GLIS1: variants seen among roughly 807,000 people sequenced by gnomAD.
The protein encoded by GLIS1 is GLIS family zinc finger 1.
A neutral mutation model predicts 63.8 loss-of-function variants in GLIS1; 24 were observed. The ratio of observed to expected loss-of-function variants is 0.38; its 90% confidence interval spans 0.27 to 0.53. GLIS1 has a LOEUF of 0.53. Ranked by LOEUF, GLIS1 falls within the 20% of genes least tolerant of loss-of-function variation. The probability of loss-of-function intolerance (pLI) is 0.85; values close to 1 mark genes in which losing one functional copy is unlikely to be tolerated. For synonymous variants in GLIS1, 450 were observed against 482.5 expected, an observed-to-expected ratio of 0.93 and a Z score of 0.88; for missense variants, 1,036 against 1,074.1, an observed-to-expected ratio of 0.96 and a Z score of 0.50.
chr1:53,600,037 G>T (rs926323575), intron 3 of GLIS1, 64 bp downstream of exon 3: 2 of 930,938 alleles, frequency 2.1e-6, no homozygotes, highest in Non-Finnish European at 2.8e-6. Context: ...AGGAGGTGAG[G>T]CCTGAGGCCC....
At chr1:53,538,077 TG>T (rs1431083685) in intron 4 of GLIS1, among the ~76,000 whole-genome samples, 1 of 152,244 alleles carries the variant, frequency 6.6e-6, no homozygotes, top group Non-Finnish European at 1.5e-5. Context: ...GAGGGGCCGC[TG>T]GCTGGCCTGA....
intron 2 of GLIS1, among the ~76,000 whole-genome samples, chr1:53,692,104 T>C (rs1646412131): frequency 6.6e-6 from 1 of 152,188 alleles, no homozygotes; most frequent in South Asian, 2.1e-4. Context: ...CCTCCCTTTT[T>C]CCTAACACAA....
chr1:53,610,978 T>C (rs1221012866), intron 2 of GLIS1, among the ~76,000 whole-genome samples: 1 of 152,226 alleles, frequency 6.6e-6, no homozygotes, highest in Non-Finnish European at 1.5e-5. Context: ...TAAATTCTGT[T>C]ACTATATTTT....
intron 2 of GLIS1, among the ~76,000 whole-genome samples, chr1:53,621,725 A>G (rs931780577): frequency 1.3e-5 from 2 of 152,234 alleles, no homozygotes; most frequent in Non-Finnish European, 2.9e-5. Flanking sequence ...GGTCAAAATC[A>G]AGGATTATGG....
chr1:53,572,623 TCAG>T (rs1644994520), intron 4 of GLIS1, among the ~76,000 whole-genome samples: 2 of 152,372 alleles, frequency 1.3e-5, no homozygotes, highest in East Asian at 3.9e-4. Context: ...ATTAAAATTC[TCAG>T]CAGGCACTGC....
intron 2 of GLIS1, among the ~76,000 whole-genome samples, chr1:53,621,153 T>G (rs1451164374): frequency 6.6e-6 from 1 of 152,332 alleles, no homozygotes; most frequent in East Asian, 1.9e-4. Context: ...ATCATCATAC[T>G]AGTTGCAGGG....
intron 2 of GLIS1, among the ~76,000 whole-genome samples, chr1:53,708,144 G>T (rs569097666): frequency 1.3e-5 from 2 of 152,002 alleles, no homozygotes; most frequent in African/African-American, 4.8e-5. Context: ...TTAGCTGGGC[G>T]TGGTGGGGGA....
In GLIS1 at chr1:53,510,373, G is replaced by A. The variant is rs192523796; in HGVS notation, c.1884-346C>T. ...GTCTCTGAGCCCTGGTTTCCTGGAC[G>A]GGCTGCTGGCTCACCACCGGGCACG... On this transcript the variant is annotated intron_variant, in intron 8 of 10. Coordinates refer to ENST00000628545, the MANE Select transcript of GLIS1 (RefSeq NM_001367484.1). 6.4e-4 allele frequency among the ~76,000 whole-genome samples: 98 copies of A among 152,272 alleles called. 1 individual carries two copies. The East Asian group carries it at 0.015, about 23-fold the overall frequency.
At chr1:53,669,092 A>C (rs1375767454) in intron 2 of GLIS1, among the ~76,000 whole-genome samples, 3 of 152,208 alleles carry the variant, frequency 2.0e-5, no homozygotes, top group African/African-American at 7.2e-5. Context: ...GACAATCTTC[A>C]GGTAAGCTGG....
intron 2 of GLIS1, among the ~76,000 whole-genome samples, chr1:53,613,335 T>A (rs1441419682): frequency 6.6e-6 from 1 of 152,252 alleles, no homozygotes; most frequent in African/African-American, 2.4e-5. Context: ...ATTTAATGAA[T>A]GTCTTTATAG....
chr1:53,518,369 G>T (rs1035956876), intron 7 of GLIS1, among the ~76,000 whole-genome samples: 1 of 152,212 alleles, frequency 6.6e-6, no homozygotes, highest in Non-Finnish European at 1.5e-5. Flanking sequence ...TTCTGAGGCC[G>T]ACGTGAGGAT....
chr1:53,732,673 C>T (rs917847914), intron 2 of GLIS1, among the ~76,000 whole-genome samples: 8 of 152,174 alleles, frequency 5.3e-5, no homozygotes, highest in Middle Eastern at 3.4e-3. Context: ...CCACTGCAAA[C>T]TTTGTTTCAT....
chr1:53,602,267 C>T (rs1349460086), intron 2 of GLIS1, among the ~76,000 whole-genome samples: 3 of 152,164 alleles, frequency 2.0e-5, no homozygotes, highest in African/African-American at 7.2e-5. Flanking sequence ...GCTCATTTAA[C>T]TCCGTCTCTG....
intron 2 of GLIS1, among the ~76,000 whole-genome samples, chr1:53,721,662 A>G (rs781010290): frequency 6.6e-6 from 1 of 152,194 alleles, no homozygotes; most frequent in Non-Finnish European, 1.5e-5. Flanking sequence ...TTATTAGGTG[A>G]TTTTAAAAAC....
chr1:53,515,079 A>ATGTGTGTGTG (rs5774151), intron 7 of GLIS1, among the ~76,000 whole-genome samples: 186 of 142,090 alleles, frequency 1.3e-3, no homozygotes, highest in African/African-American at 4.4e-3. Flanking sequence ...GTGTGTGTAT[A>ATGTGTGTGTG]TGTGTGTGTG....
chr1:53,560,426 T>G lies in GLIS1; in HGVS notation c.1321-30474A>C, dbSNP rs1390742171. Reference sequence around the variant, plus strand: ...CGCTCCCTGTTTGCAAGGGCAGGGGTTCCACTGGCAGACGGACAGTTCCGG... The same window carrying G: ...CGCTCCCTGTTTGCAAGGGCAGGGGGTCCACTGGCAGACGGACAGTTCCGG... On this transcript the variant is annotated intron_variant, in intron 4 of 10. Transcript: ENST00000628545. The surrounding 1 kb of genome is among the most constrained non-coding windows in gnomAD (Gnocchi z 4.4). Among the ~76,000 whole-genome samples the G allele has an allele frequency of 6.6e-6, 1 of 151,988 alleles. No individual in the cohort carries two copies. The highest frequency in any genetic ancestry group is 1.5e-5 in the Non-Finnish European group (1 of 67,986).
chr1:53,715,035 G>A (rs1417152005), intron 2 of GLIS1, among the ~76,000 whole-genome samples: 1 of 152,164 alleles, frequency 6.6e-6, no homozygotes, highest in Non-Finnish European at 1.5e-5. Flanking sequence ...TCCTGCCTCA[G>A]CCTCCCAAGT....
intron 2 of GLIS1, among the ~76,000 whole-genome samples, chr1:53,715,846 G>T (rs1313673225): frequency 6.6e-6 from 1 of 152,178 alleles, no homozygotes; most frequent in East Asian, 1.9e-4. Context: ...ACAGAGAATG[G>T]GAAGTGAGGG....
At chr1:53,738,944 C>T (rs1157696345) in intron 1 of GLIS1, among the ~76,000 whole-genome samples, 161 bp downstream of exon 1, 1 of 152,174 alleles carries the variant, frequency 6.6e-6, no homozygotes, top group Admixed American at 6.5e-5. Flanking sequence ...GACAGAGCCT[C>T]CCTCAGCCCT....
Sources: allele counts gnomAD v4.1 joint callset (sites outside exome capture counted in the v4.1 genomes callset), GRCh38; gene constraint gnomAD v4.1.1; non-coding constraint Gnocchi (gnomAD v3.1); transcripts MANE v1.5; gene names NCBI Gene and HGNC (gene_info 2026-07-23, HGNC 2026-07-21).